PKD1L3: variants seen among roughly 807,000 people sequenced by gnomAD.
The protein encoded by PKD1L3 is polycystin 1 like 3, transient receptor potential channel interacting, also known as polycystin-1-like protein 3.
A neutral mutation model predicts 184.1 loss-of-function variants in PKD1L3; 239 were observed. That is an observed-to-expected ratio of 1.30 (90% CI 1.17 to 1.45). The LOEUF is 1.45. Ranked by LOEUF, PKD1L3 falls within the 40% of genes most tolerant of loss-of-function variation. PKD1L3 has a pLI of 0.00. For synonymous variants in PKD1L3, 996 were observed against 778.8 expected (o/e 1.28, Z -4.64); for missense variants, 2,660 against 2,067.2 (o/e 1.29, Z -5.56).
At chr16:71,938,012 G>A (rs1427777492) in intron 24 of PKD1L3, among the ~76,000 whole-genome samples, 1 of 152,202 alleles carries the variant, frequency 6.6e-6, no homozygotes, top group African/African-American at 2.4e-5. Flanking sequence ...TGAGCTGCGG[G>A]AGCCAGTAAC....
At chr16:71,991,695 G>T (rs1375262474) in intron 3 of PKD1L3, among the ~76,000 whole-genome samples, 1 of 152,146 alleles carries the variant, frequency 6.6e-6, no homozygotes, top group Non-Finnish European at 1.5e-5. Context: ...CACAACAAAT[G>T]AAATAGAAGT....
At chr16:71,969,803 G>T in intron 13 of PKD1L3, 72 bp downstream of exon 13, 4 of 1,330,878 alleles carry the variant, frequency 3.0e-6, no homozygotes, top group Admixed American at 2.6e-5. Flanking sequence ...TTTGACGAAG[G>T]TGTTTTTTCC....
At chr16:71,997,360 G>A (rs187880790) in intron 2 of PKD1L3, among the ~76,000 whole-genome samples, 1 of 151,940 alleles carries the variant, frequency 6.6e-6, no homozygotes, top group African/African-American at 2.4e-5. Flanking sequence ...GCCGAGGTGG[G>A]AGGATTGCTT....
Position 71,967,305 on chromosome 16 carries a change from G to A in PKD1L3, c.2297C>T (p.Thr766Ile). The A allele has an allele frequency of 6.4e-7, 1 of 1,550,634 alleles. No homozygotes were observed. Among genetic ancestry groups the A allele is most frequent in the South Asian group, 1.2e-5 (1 of 83,838 alleles). ...ACTCCGTCCCTCTGATCCATAGAGG[G>A]TGATGACAACCTACAATGAGACAGG... is the stretch of plus-strand genomic sequence containing the variant. ...SAATTAKVVI[T>I]LYGSEGRSEP... is the part of the protein sequence containing the mutation. Residue 766 changes from threonine (T) to isoleucine (I), a missense_variant, in exon 15 of 30, where the codon ACC becomes ATC. Physicochemically the swap from Thr to Ile is moderately conservative, Grantham distance 89 (BLOSUM62 -1). Coordinates refer to ENST00000620267, the MANE Select transcript of PKD1L3 (RefSeq NM_181536.2).
At chr16:71,979,474 A>G (rs374684808) in intron 9 of PKD1L3, among the ~76,000 whole-genome samples, 60 of 123,918 alleles carry the variant, frequency 4.8e-4, no homozygotes, top group South Asian at 1.0e-3. Flanking sequence ...AACAAGACAA[A>G]ACAAAACAAA....
intron 16 of PKD1L3, among the ~76,000 whole-genome samples, chr16:71,958,305 T>C (rs377052660): frequency 4.7e-4 from 70 of 147,514 alleles, no homozygotes; most frequent in African/African-American, 1.7e-3. Flanking sequence ...GAGAATGGCT[T>C]GAACCCGGGA....
intron 9 of PKD1L3, among the ~76,000 whole-genome samples, 193 bp from the exon 10 acceptor site, chr16:71,978,576 G>C (rs559448571): frequency 2.1e-5 from 3 of 139,606 alleles, no homozygotes; most frequent in African/African-American, 8.2e-5. Flanking sequence ...GTCACACTCT[G>C]TCAATCAGGA....
intron 15 of PKD1L3, 68 bp downstream of exon 15, chr16:71,967,069 G>T: frequency 6.9e-7 from 1 of 1,444,726 alleles, no homozygotes; most frequent in Non-Finnish European, 9.3e-7. Flanking sequence ...ATTTATTGTG[G>T]TGATCTTCTT....
Position 71,980,267 on chromosome 16 carries a change from CCTTGGAATCTCACAGAAAGTA to C in PKD1L3, c.1144-154_1144-134del, listed in dbSNP as rs765910718. On this transcript the variant is annotated intron_variant, in intron 7 of 29. Transcript: ENST00000620267. ...GAAGGGTAGTATTCCTTAGAGAGGA[CCTTGGAATCTCACAGAAAGTA>C]CTTGCAACCTGGCTAAAGACTTAGC... The C allele has an allele frequency of 7.0e-5, 85 of 1,216,906 alleles. No individual in the cohort carries two copies. The Middle Eastern group carries it at 2.1e-3, about 30-fold the overall frequency. The allele number at this position is 1,216,906 out of a possible 1,614,324, so 75.4% of individuals were successfully genotyped here.
chr16:71,969,555 T>G (rs34400689), intron 13 of PKD1L3, among the ~76,000 whole-genome samples: 13,175 of 148,794 alleles, frequency 0.089, 777 homozygotes, highest in Non-Finnish European at 0.13. Flanking sequence ...CAAGTGATCC[T>G]CCTGCCCTGG....
intron 1 of PKD1L3, 130 bp from the exon 2 acceptor site, chr16:71,998,524 C>T: frequency 1.6e-6 from 2 of 1,253,506 alleles, no homozygotes; most frequent in Non-Finnish European, 2.1e-6. Flanking sequence ...GATCTTCACT[C>T]ACTGCAATCT....
chr16:71,952,920 G>T lies in PKD1L3; in HGVS notation c.2983C>A (p.Pro995Thr). 1.3e-6 allele frequency: 2 copies of T among 1,549,710 alleles called. No individual in the cohort carries two copies. The highest frequency in any genetic ancestry group is 2.4e-5 in the East Asian group (1 of 40,880). The change falls in exon 18 of 30, where the codon CCT (proline) becomes ACT (threonine). Residue 995 changes from proline to threonine, a missense_variant. Physicochemically the swap from Pro to Thr is conservative, Grantham distance 38. Coordinates refer to ENST00000620267, the MANE Select transcript of PKD1L3 (RefSeq NM_181536.2). ...TCAACTACCATTGTGGCAGAGAGAG[G>T]CTCAACAGAAGCATCTGAGAGGCAG... The part of the protein sequence containing the change: ...ASCLSDASVE[P>T]LSATMVVEEL...
intron 16 of PKD1L3, among the ~76,000 whole-genome samples, chr16:71,955,566 C>G (rs139277675): frequency 1.3e-3 from 198 of 152,138 alleles, no homozygotes; most frequent in African/African-American, 4.6e-3. Context: ...GATCTCAGCT[C>G]ATTGCAACCT....
At chr16:71,999,507 A>C (rs1300473733) in intron 1 of PKD1L3, among the ~76,000 whole-genome samples, 177 bp downstream of exon 1, 1 of 152,216 alleles carries the variant, frequency 6.6e-6, no homozygotes, top group Non-Finnish European at 1.5e-5. Flanking sequence ...TTGCTAACAG[A>C]CAAATCAAAG....
intron 24 of PKD1L3, among the ~76,000 whole-genome samples, chr16:71,939,137 T>G (rs908373926): frequency 2.0e-5 from 3 of 152,200 alleles, no homozygotes; most frequent in Non-Finnish European, 4.4e-5. Flanking sequence ...AGAAACCACA[T>G]GCAGTACATC....
At position 71,935,342 on chromosome 16, in the gene PKD1L3, T is replaced by A. The variant is rs766602444; in HGVS notation, c.4613+16A>T. 9.7e-6 allele frequency: 15 copies of A among 1,548,608 alleles called. No individual in the cohort carries two copies. The South Asian group carries it at 1.8e-4, about 19-fold the overall frequency. ...ATGAGGTAGGAATATGCTGTGCCCCTCAGGCTTCCTCTCACCTGTCCTGGT... is the reference window on the plus strand; with the variant it reads ...ATGAGGTAGGAATATGCTGTGCCCCACAGGCTTCCTCTCACCTGTCCTGGT... On this transcript the variant is annotated intron_variant, in intron 26 of 29. Coordinates refer to ENST00000620267, the MANE Select transcript of PKD1L3 (RefSeq NM_181536.2).
intron 16 of PKD1L3, among the ~76,000 whole-genome samples, chr16:71,959,586 G>A (rs2039192113): frequency 6.6e-6 from 1 of 152,074 alleles, no homozygotes; most frequent in Non-Finnish European, 1.5e-5. Context: ...TTAAAACATG[G>A]GAATTGGGAG....
chr16:71,992,763 G>A (rs531134686), intron 3 of PKD1L3, among the ~76,000 whole-genome samples: 2 of 152,252 alleles, frequency 1.3e-5, no homozygotes, highest in African/African-American at 4.8e-5. Flanking sequence ...GAGTGATCAC[G>A]AGATCCACTT....
At chr16:71,997,701 T>C (rs2040840399) in intron 2 of PKD1L3, among the ~76,000 whole-genome samples, 1 of 152,034 alleles carries the variant, frequency 6.6e-6, no homozygotes, top group Admixed American at 6.6e-5. Context: ...TGAGCCGAGA[T>C]TGTGCCATTG....
Sources: gnomAD v4.1 joint callset for allele counts (sites outside exome capture counted in the v4.1 genomes callset) on GRCh38, gnomAD v4.1.1 for gene constraint, MANE v1.5 for transcripts, NCBI Gene and HGNC (gene_info 2026-07-23, HGNC 2026-07-21) for gene names.